The following C1orf146 variants were observed in gnomAD, a reference collection of about 807,000 sequenced individuals.
C1orf146 encodes the protein chromosome 1 open reading frame 146, also known as protein SPO16 homolog.
A neutral mutation model predicts 23.0 loss-of-function variants in C1orf146; 22 were observed. The observed-to-expected ratio is 0.96, with a 90% CI of 0.68 to 1.36. The LOEUF (loss-of-function observed/expected upper bound fraction) is 1.36. Ranked by LOEUF, C1orf146 falls within the 40% of genes most tolerant of loss-of-function variation. C1orf146 has a pLI of 0.00. For missense variants in C1orf146, 199 were observed against 206.8 expected (o/e 0.96, Z 0.23); for synonymous variants, 59 against 65.3 (o/e 0.90, Z 0.47).
At chr1:92,237,637 A>G (rs1485996882) in intron 2 of C1orf146, among the ~76,000 whole-genome samples, 1 of 152,130 alleles carries the variant, frequency 6.6e-6, no homozygotes, top group Non-Finnish European at 1.5e-5. Flanking sequence ...CAAAGCTCAG[A>G]TGGAAATGCA....
chr1:92,231,520 T>TA (rs780669037), intron 2 of C1orf146, 34 bp downstream of exon 2: 4 of 1,446,798 alleles, frequency 2.8e-6, no homozygotes, highest in Non-Finnish European at 2.9e-6. Flanking sequence ...ATCTTTAACT[T>TA]AAAAAAATTA....
chr1:92,236,661 G>A (rs968377158), intron 2 of C1orf146, among the ~76,000 whole-genome samples: 11 of 152,136 alleles, frequency 7.2e-5, no homozygotes, highest in African/African-American at 2.7e-4. Flanking sequence ...GGCCTGCCTT[G>A]CTAGATTGGG....
chr1:92,230,167 A>G (rs1449143968), intron 1 of C1orf146, among the ~76,000 whole-genome samples: 1 of 152,080 alleles, frequency 6.6e-6, no homozygotes, highest in Non-Finnish European at 1.5e-5. Context: ...TGTACCTCTT[A>G]GAACTGCAGA....
At chr1:92,228,706 C>T (rs977472509) in intron 1 of C1orf146, among the ~76,000 whole-genome samples, 1 of 152,154 alleles carries the variant, frequency 6.6e-6, no homozygotes, top group Non-Finnish European at 1.5e-5. Flanking sequence ...GACTTGTCTT[C>T]CGCAAGCATG....
intron 2 of C1orf146, among the ~76,000 whole-genome samples, chr1:92,235,964 T>C (rs1557489708): frequency 6.6e-6 from 1 of 152,172 alleles, no homozygotes; most frequent in Non-Finnish European, 1.5e-5. Context: ...ATTTGTTTGG[T>C]AGATCTTCCT....
At position 92,245,792 on chromosome 1, in the gene C1orf146, TAA is replaced by T. The variant is rs1005704301; in HGVS notation, c.*121_*122del. The T allele has an allele frequency of 3.8e-4, 242 of 644,692 alleles. 2 individuals carry two copies. In the African/African-American group the frequency reaches 4.3e-3, roughly 11 times the overall value. 39.9% of individuals were successfully genotyped at this position (644,692 alleles called of 1,614,324 possible). A position where few individuals can be genotyped will look rare whatever the true frequency, so the allele number is the denominator to read the frequency against. ...AATTTGAAATAATAACATATACAATTAAAAGTGATTTTATTTTAGGAGTTTCG... is the reference window on the plus strand; with the variant it reads ...AATTTGAAATAATAACATATACAATTAAGTGATTTTATTTTAGGAGTTTCG... On this transcript the variant is annotated 3_prime_UTR_variant, in exon 6 of 6. Coordinates refer to ENST00000370375, the MANE Select transcript of C1orf146 (RefSeq NM_001012425.2).
chr1:92,245,775 A>T lies in C1orf146; in HGVS notation c.*101A>T, dbSNP rs2100755327. ...TTAAAGACATTTATATTAATTTGAA[A>T]TAATAACATATACAATTAAAAGTGA... On this transcript the variant is annotated 3_prime_UTR_variant, in exon 6 of 6. Coordinates refer to ENST00000370375, the MANE Select transcript of C1orf146 (RefSeq NM_001012425.2). 2.8e-6 allele frequency: 2 copies of T among 706,422 alleles called. No homozygotes were observed. Among genetic ancestry groups the T allele is most frequent in the East Asian group, 6.3e-5 (2 of 31,800 alleles). The allele number at this position is 706,422 out of a possible 1,614,324, so 43.8% of individuals were successfully genotyped here.
At chr1:92,230,413 C>T (rs1213617494) in intron 1 of C1orf146, among the ~76,000 whole-genome samples, 1 of 151,812 alleles carries the variant, frequency 6.6e-6, no homozygotes, top group Non-Finnish European at 1.5e-5. Context: ...GAGATTGAGA[C>T]CATCCTGGCT....
At chr1:92,220,893 T>C (rs576828161) in intron 1 of C1orf146, among the ~76,000 whole-genome samples, 1 of 152,304 alleles carries the variant, frequency 6.6e-6, no homozygotes, top group South Asian at 2.1e-4. Flanking sequence ...TGAGCATACA[T>C]TTAGGAGTAG....
At chr1:92,233,715 C>T (rs1344342253) in intron 2 of C1orf146, among the ~76,000 whole-genome samples, 2 of 152,122 alleles carry the variant, frequency 1.3e-5, no homozygotes, top group East Asian at 3.8e-4. Context: ...TGGCCATTTT[C>T]CCGATATTGA....
chr1:92,238,734 C>T (rs1291388476), intron 2 of C1orf146, among the ~76,000 whole-genome samples: 2 of 152,098 alleles, frequency 1.3e-5, no homozygotes, highest in Non-Finnish European at 2.9e-5. Context: ...TTATTCCTAA[C>T]ATTGTACCCA....
At chr1:92,232,631 G>A (rs1652160804) in intron 2 of C1orf146, among the ~76,000 whole-genome samples, 1 of 151,972 alleles carries the variant, frequency 6.6e-6, no homozygotes, top group Non-Finnish European at 1.5e-5. Flanking sequence ...CCCAGTAATG[G>A]GATGGCTGGG....
chr1:92,244,642 A>G (rs1205832509), intron 4 of C1orf146, 137 bp from the exon 5 acceptor site: 8 of 654,928 alleles, frequency 1.2e-5, no homozygotes, highest in African/African-American at 1.1e-4. Flanking sequence ...AGCCATCTCA[A>G]ATCCTCTGTG....
intron 1 of C1orf146, among the ~76,000 whole-genome samples, chr1:92,219,002 C>A (rs538940813): frequency 3.3e-5 from 5 of 152,172 alleles, no homozygotes; most frequent in Admixed American, 2.0e-4. Flanking sequence ...CTTTACTTCT[C>A]TTAGCTTTAG....
chr1:92,228,119 T>C (rs561453545), intron 1 of C1orf146, among the ~76,000 whole-genome samples: 2 of 152,334 alleles, frequency 1.3e-5, no homozygotes, highest in African/African-American at 4.8e-5. Context: ...AGTCTGGATA[T>C]TTTCCTCTGA....
intron 2 of C1orf146, among the ~76,000 whole-genome samples, chr1:92,239,424 GT>G (rs1652376779): frequency 1.3e-5 from 2 of 152,140 alleles, no homozygotes; most frequent in Admixed American, 6.5e-5. Flanking sequence ...GATGCCCTAA[GT>G]AGGGTTGCCA....
intron 2 of C1orf146, 116 bp from the exon 3 acceptor site, chr1:92,242,096 A>G: frequency 2.0e-6 from 1 of 502,350 alleles, no homozygotes; most frequent in Non-Finnish European, 3.4e-6. Flanking sequence ...TCTTTTGATG[A>G]TCATATCTTT....
At chr1:92,224,681 C>T (rs1011716448) in intron 1 of C1orf146, among the ~76,000 whole-genome samples, 1 of 152,112 alleles carries the variant, frequency 6.6e-6, no homozygotes, top group African/African-American at 2.4e-5. Context: ...TTTCTTTATT[C>T]TTTCTATTTT....
At chr1:92,224,489 C>G (rs1194323277) in intron 1 of C1orf146, among the ~76,000 whole-genome samples, 1 of 152,138 alleles carries the variant, frequency 6.6e-6, no homozygotes, top group African/African-American at 2.4e-5. Context: ...AGGAGACTTA[C>G]AGTTTTATGT....
Sources: allele counts gnomAD v4.1 joint callset (sites outside exome capture counted in the v4.1 genomes callset), GRCh38; gene constraint gnomAD v4.1.1; transcripts MANE v1.5; gene names NCBI Gene and HGNC (gene_info 2026-07-23, HGNC 2026-07-21).